Variants in OCEL1 observed in about 807,000 individuals in gnomAD.
The protein encoded by OCEL1 is occludin/ELL domain-containing protein 1.
Under a neutral mutation model 29.4 loss-of-function variants are expected in OCEL1, and 24 were observed. The observed-to-expected ratio is 0.82, with a 90% CI of 0.59 to 1.15. The LOEUF is 1.15. Ranked by LOEUF, OCEL1 falls within the 50% of genes most tolerant of loss-of-function variation. OCEL1 has a pLI of 0.00. For synonymous variants in OCEL1, 172 were observed against 145.3 expected (o/e 1.18, Z -1.32); for missense variants, 402 against 352.5 (o/e 1.14, Z -1.13).
At position 17,228,880 on chromosome 19, in the gene OCEL1, G is replaced by A. The variant is rs769606502; in HGVS notation, c.750G>A (p.Gln250=). Residue 250 remains glutamine, a synonymous_variant, in exon 6 of 6, where the codon CAG becomes CAA. Transcript: ENST00000215061. Reference sequence around the variant, plus strand: ...TGAGGCATCTCAAGACTCAGATCCAGAAATTCGATGACCAAGGAGACAGCG... The same window carrying A: ...TGAGGCATCTCAAGACTCAGATCCAAAAATTCGATGACCAAGGAGACAGCG... The part of the protein sequence containing the change: ...GKLRHLKTQI[Q]KFDDQGDSEG... 2.5e-6 allele frequency: 4 copies of A among 1,613,858 alleles called. No homozygotes were observed. In the South Asian group the frequency reaches 4.4e-5, roughly 18 times the overall value.
In OCEL1 at chr19:17,226,288, C is replaced by T. The variant is rs1337226806; in HGVS notation, c.41C>T (p.Pro14Leu). The change falls in exon 1 of 6, where the codon CCA becomes CTA. Residue 14 changes from proline to leucine, a missense_variant. Pro to Leu is a moderately conservative substitution (Grantham distance 98). Transcript: ENST00000215061. ...GGAAGTGCCTCTCCGACAGCAGATC[C>T]AGGCTCGGAGCTCCAGACGCTGGGA... The part of the protein sequence containing the change: ...PDGSASPTAD[P>L]GSELQTLGQA... 1 of 1,612,348 alleles carries T rather than the reference C, an allele frequency of 6.2e-7. No homozygotes were observed. Among genetic ancestry groups the T allele is most frequent in the African/African-American group, 1.3e-5 (1 of 74,912 alleles).
In OCEL1 at chr19:17,228,942, G is replaced by A; in HGVS notation, c.*17G>A. ...TACTTCTAAGTGCCCCTGCAGATGG[G>A]CAGAGGGATGCATGGGGATGCAGGT... On this transcript the variant is annotated 3_prime_UTR_variant, in exon 6 of 6. Transcript: ENST00000215061. The A allele has an allele frequency of 6.2e-7, 1 of 1,608,192 alleles. No homozygotes were observed.
Position 17,226,851 on chromosome 19 carries a change from G to A in OCEL1, c.228G>A (p.Pro76=), listed in dbSNP as rs937766529. The change falls in exon 2 of 6, where the codon CCG becomes CCA. Residue 76 remains proline, a synonymous_variant. Transcript: ENST00000215061. The stretch of plus-strand genomic sequence containing the variant: ...CCCGGGGGCACCTGCATACTCACCC[G>A]CCTGGGCCTGGGCCCCCGGTGAGCC... ...RGSRGHLHTH[P]PGPGPPLQGL... The A allele has an allele frequency of 7.8e-6, 12 of 1,534,664 alleles. No homozygotes were observed. Among genetic ancestry groups the A allele is most frequent in the African/African-American group, 1.4e-5 (1 of 71,318 alleles).
In OCEL1 at chr19:17,228,870, C is replaced by G. The variant is rs369604062; in HGVS notation, c.740C>G (p.Thr247Ser). 1.4e-5 allele frequency: 22 copies of G among 1,613,838 alleles called. No homozygotes were observed. Among genetic ancestry groups the G allele is most frequent in the Non-Finnish European group, 1.8e-5 (21 of 1,179,982 alleles). ...AAGGGTAAACTGAGGCATCTCAAGA[C>G]TCAGATCCAGAAATTCGATGACCAA... Reference protein sequence around the residue: ...YLKGKLRHLKTQIQKFDDQGD... With the variant: ...YLKGKLRHLKSQIQKFDDQGD... The change falls in exon 6 of 6, where the codon ACT becomes AGT. Residue 247 changes from threonine to serine, a missense_variant. Coordinates refer to ENST00000215061, the MANE Select transcript of OCEL1 (RefSeq NM_024578.3).
At position 17,226,696 on chromosome 19, in the gene OCEL1, GCCCGCAGACCACC is replaced by G; in HGVS notation, c.79_91del (p.Pro28AlafsTer18). 1 of 1,484,652 alleles carries G rather than the reference GCCCGCAGACCACC, an allele frequency of 6.7e-7. No individual in the cohort carries two copies. The highest frequency in any genetic ancestry group is 8.9e-7 in the Non-Finnish European group (1 of 1,126,380). 92.0% of individuals were successfully genotyped at this position (1,484,652 alleles called of 1,614,324 possible). A position where few individuals can be genotyped will look rare whatever the true frequency, so the allele number is the denominator to read the frequency against. On this transcript the variant is annotated frameshift_variant, in exon 2 of 6. Transcript: ENST00000215061. LOFTEE classifies it high-confidence loss of function. ...CTCTCCGCGTGTCCACCCACAGGCC[GCCCGCAGACCACC>G]CCCGCCGCGCGCGGGACACGACGCC...
At chr19:17,228,141 G>C in intron 4 of OCEL1, 115 bp from the exon 5 acceptor site, 1 of 1,532,166 alleles carries the variant, frequency 6.5e-7, no homozygotes, top group Non-Finnish European at 9.0e-7. Flanking sequence ...ACATGGCTAA[G>C]GTCAGCCCTT....
In OCEL1 at chr19:17,226,277, G is replaced by A. The variant is rs774977629; in HGVS notation, c.30G>A (p.Pro10=). The change falls in exon 1 of 6, where the codon CCG becomes CCA. Residue 10 remains proline, a synonymous_variant. Transcript: ENST00000215061. MHNPDGSAS[P]TADPGSELQT... ...ACAACCCGGACGGAAGTGCCTCTCC[G>A]ACAGCAGATCCAGGCTCGGAGCTCC... is the stretch of plus-strand genomic sequence containing the variant. 1.9e-6 allele frequency: 3 copies of A among 1,612,346 alleles called. No homozygotes were observed. The highest frequency in any genetic ancestry group is 2.2e-5 in the East Asian group (1 of 44,794).
In OCEL1 at chr19:17,227,186, C is replaced by T. The variant is rs768494103; in HGVS notation, c.439C>T (p.Pro147Ser). 1.8e-5 allele frequency: 27 copies of T among 1,507,396 alleles called. No individual in the cohort carries two copies. The highest frequency in any genetic ancestry group is 2.4e-5 in the Non-Finnish European group (27 of 1,132,310). The allele number at this position is 1,507,396 out of a possible 1,614,324, so 93.4% of individuals were successfully genotyped here. A position where few individuals can be genotyped will look rare whatever the true frequency, so the allele number is the denominator to read the frequency against. Residue 147 changes from proline (P) to serine (S), a missense_variant, in exon 3 of 6, where the codon CCC becomes TCC. Physicochemically the swap from Pro to Ser is moderately conservative, Grantham distance 74. Coordinates refer to ENST00000215061, the MANE Select transcript of OCEL1 (RefSeq NM_024578.3). ...GCATAAGCCTAGGCCCCACCCAGTGCCCGACTATGAGCTGTGAGTGTCCCC... is the reference window on the plus strand; with the variant it reads ...GCATAAGCCTAGGCCCCACCCAGTGTCCGACTATGAGCTGTGAGTGTCCCC... ...KGHKPRPHPV[P>S]DYELKYPPVS...
rs201040944 is a variant in OCEL1 at position 17,228,304 on chromosome 19, C to T, written c.667C>T (p.Arg223Ter). The T allele has an allele frequency of 9.9e-6, 16 of 1,613,982 alleles. No homozygotes were observed. Among genetic ancestry groups the T allele is most frequent in the African/African-American group, 1.3e-5 (1 of 75,002 alleles). ...ARVWREFEMK[R>*]MDPGFLDKQA... Reference sequence around the variant, plus strand: ...GGTTTGGAGGGAGTTTGAGATGAAGCGAATGGTGAGTCTTGCATCCCACAG... The same window carrying T: ...GGTTTGGAGGGAGTTTGAGATGAAGTGAATGGTGAGTCTTGCATCCCACAG... The change falls in exon 5 of 6, where the codon CGA (arginine) becomes TGA (stop). Residue 223 changes from arginine to a stop codon, truncating the protein, a stop_gained. Coordinates refer to ENST00000215061, the MANE Select transcript of OCEL1 (RefSeq NM_024578.3). LOFTEE classifies it high-confidence loss of function.
chr19:17,226,416 A>T, intron 1 of OCEL1, 100 bp downstream of exon 1: 3 of 1,363,630 alleles, frequency 2.2e-6, no homozygotes, highest in Middle Eastern at 2.3e-4. Flanking sequence ...CGCGCCCTGG[A>T]GGTCGAGGCT....
At chr19:17,228,354 C>G in intron 5 of OCEL1, 45 bp downstream of exon 5, 3 of 1,585,050 alleles carry the variant, frequency 1.9e-6, no homozygotes, top group Non-Finnish European at 2.6e-6. Context: ...CCTGAGACTT[C>G]TGTGAGGCTG....
intron 5 of OCEL1, 105 bp downstream of exon 5, chr19:17,228,414 C>A: frequency 8.2e-7 from 1 of 1,218,572 alleles, no homozygotes; most frequent in Non-Finnish European, 1.2e-6. Context: ...GAGACAGAAT[C>A]TCGCTCTGTC....
Position 17,226,732 on chromosome 19 carries a change from GC to G in OCEL1, c.115del (p.Arg39AlafsTer11), listed in dbSNP as rs1227261120. 3.9e-6 allele frequency: 6 copies of G among 1,538,934 alleles called. No individual in the cohort carries two copies. Among genetic ancestry groups the G allele is most frequent in the Admixed American group, 4.1e-5 (2 of 49,236 alleles). On this transcript the variant is annotated frameshift_variant, in exon 2 of 6. Coordinates refer to ENST00000215061, the MANE Select transcript of OCEL1 (RefSeq NM_024578.3). LOFTEE classifies it high-confidence loss of function. ...ACCCCCGCCGCGCGCGGGACACGAC[GC>G]CCCCCGCAGGACCCGCCCATCAGCC... The part of the protein sequence containing the change: ...RPPPPRAGHD[A>X]PRRTRPSARK...
rs1408217270 is a variant in OCEL1, at chr19:17,226,639, G to T, written c.70-54G>T. ...CGCTCTTCGGCCGAGCTGCCCGCGC[G>T]TCCTTTCTCCGTGCGCGTCGTCAGG... is the stretch of plus-strand genomic sequence containing the variant. On this transcript the variant is annotated intron_variant, in intron 1 of 5. Transcript: ENST00000215061. 4.9e-6 allele frequency: 7 copies of T among 1,417,006 alleles called. No individual in the cohort carries two copies. The Admixed American group carries it at 1.5e-4, about 30-fold the overall frequency. 87.8% of individuals were successfully genotyped at this position (1,417,006 alleles called of 1,614,324 possible).
chr19:17,228,378 C>T, intron 5 of OCEL1, 69 bp downstream of exon 5: 2 of 1,474,638 alleles, frequency 1.4e-6, no homozygotes, highest in Middle Eastern at 2.0e-4. Flanking sequence ...TGCCTGTGCC[C>T]AGTTTCTTTT....
chr19:17,226,579 C>A, intron 1 of OCEL1, 114 bp from the exon 2 acceptor site: 1 of 1,197,072 alleles, frequency 8.4e-7, no homozygotes, highest in South Asian at 1.6e-5. Flanking sequence ...AGCGGTCGTT[C>A]TGGGGAACTC....
At chr19:17,228,629 C>G in intron 5 of OCEL1, 174 bp from the exon 6 acceptor site, 3 of 818,310 alleles carry the variant, frequency 3.7e-6, no homozygotes, top group Non-Finnish European at 3.7e-6. Context: ...CCACCTCGGC[C>G]TCCCAGACTG....
chr19:17,226,259 G>C lies in OCEL1; in HGVS notation c.12G>C (p.Pro4=). ...CCATCCTGCAGTAAATGCACAACCC[G>C]GACGGAAGTGCCTCTCCGACAGCAG... MHN[P]DGSASPTADP... is the part of the protein sequence containing the mutation. Residue 4 remains proline, a synonymous_variant, in exon 1 of 6, where the codon CCG becomes CCC. Coordinates refer to ENST00000215061, the MANE Select transcript of OCEL1 (RefSeq NM_024578.3). 1 of 1,610,984 alleles carries C rather than the reference G, an allele frequency of 6.2e-7. No homozygotes were observed. Among genetic ancestry groups the C allele is most frequent in the Non-Finnish European group, 8.5e-7 (1 of 1,179,056 alleles).
At chr19:17,227,223 T>A (rs765659106) in intron 3 of OCEL1, 24 bp downstream of exon 3, 1 of 1,466,188 alleles carries the variant, frequency 6.8e-7, no homozygotes, top group East Asian at 2.6e-5. Context: ...ATGTGATTCT[T>A]CATGCCTGGG....
Sources: allele counts gnomAD v4.1 joint callset, GRCh38; gene constraint gnomAD v4.1.1; transcripts MANE v1.5; gene names NCBI Gene and HGNC (gene_info 2026-07-23, HGNC 2026-07-21).